The following UBR1 variants were observed in gnomAD, a reference collection of about 807,000 sequenced individuals.
The protein encoded by UBR1 is ubiquitin protein ligase E3 component n-recognin 1.
UBR1 carries 102 observed loss-of-function variants against 242.1 expected under a neutral mutation model. That is an observed-to-expected ratio of 0.42 (90% CI 0.36 to 0.50). UBR1 has a LOEUF of 0.50. Ranked by LOEUF, UBR1 falls within the 20% of genes least tolerant of loss-of-function variation. The pLI, the probability that UBR1 is intolerant of heterozygous loss-of-function variation, is 0.01. For missense variants in UBR1, 1,772 were observed against 2,101.8 expected (o/e 0.84, Z 3.07); for synonymous variants, 675 against 684.8 (o/e 0.99, Z 0.22).
At chr15:43,083,848 G>C (rs2034001481) in intron 2 of UBR1, among the ~76,000 whole-genome samples, 1 of 151,812 alleles carries the variant, frequency 6.6e-6, no homozygotes, top group South Asian at 2.1e-4. Flanking sequence ...TTCCAGACCA[G>C]CCTGACCAAC....
At chr15:43,057,283 T>C (rs982198608) in intron 10 of UBR1, among the ~76,000 whole-genome samples, 5 of 152,230 alleles carry the variant, frequency 3.3e-5, no homozygotes, top group Middle Eastern at 3.2e-3. Flanking sequence ...CTTTTAAGTC[T>C]GCATATAAAA....
At chr15:42,987,668 G>A (rs944348934) in intron 35 of UBR1, among the ~76,000 whole-genome samples, 1 of 132,392 alleles carries the variant, frequency 7.6e-6, no homozygotes, top group Non-Finnish European at 1.5e-5. Context: ...GGCCGAGATT[G>A]TGCCACTGCA....
chr15:43,091,767 A>C (rs1466963228), intron 1 of UBR1, among the ~76,000 whole-genome samples: 2 of 151,898 alleles, frequency 1.3e-5, no homozygotes, highest in East Asian at 3.9e-4. Context: ...CCCCGTCTCT[A>C]CTAAAAATAC....
intron 37 of UBR1, among the ~76,000 whole-genome samples, chr15:42,979,214 T>C (rs1596083472): frequency 6.6e-6 from 1 of 150,582 alleles, no homozygotes; most frequent in East Asian, 1.9e-4. Context: ...TTTTTCTTTT[T>C]TTTTTTTTTA....
intron 1 of UBR1, among the ~76,000 whole-genome samples, chr15:43,103,880 AT>A (rs2034266711): frequency 6.6e-6 from 1 of 152,256 alleles, no homozygotes; most frequent in African/African-American, 2.4e-5. Context: ...AGCCAGTGTC[AT>A]ACCATGGCTA....
chr15:43,017,099 T>C lies in UBR1; in HGVS notation c.3023A>G (p.Asp1008Gly). 1 of 1,611,606 alleles carries C rather than the reference T, an allele frequency of 6.2e-7. No homozygotes were observed. Residue 1008 changes from aspartate (D) to glycine (G), a missense_variant, in exon 28 of 47, where the codon GAT (aspartate) becomes GGT (glycine). By Grantham distance (94) the Asp-to-Gly change is moderately conservative (BLOSUM62 -1). Transcript: ENST00000290650. Reference sequence around the variant, plus strand: ...AGTGTTATTACAGTGTCATACCTCATCATTCTTAATAGATTCCGATCCTGA... The same window carrying C: ...AGTGTTATTACAGTGTCATACCTCACCATTCTTAATAGATTCCGATCCTGA... The part of the protein sequence containing the change: ...TTSGSESIKN[D>G]EITHDKEKAE...
intron 46 of UBR1, among the ~76,000 whole-genome samples, chr15:42,946,645 G>GAACAAAATTTCAGTGAA (rs1287474839): frequency 2.6e-5 from 4 of 152,126 alleles, no homozygotes; most frequent in Non-Finnish European, 4.4e-5. Flanking sequence ...TATTTCAAAG[G>GAACAAAATTTCAGTGAA]AACAAAATTT....
intron 21 of UBR1, among the ~76,000 whole-genome samples, chr15:43,028,174 C>A (rs953482089): frequency 1.3e-5 from 2 of 152,176 alleles, no homozygotes; most frequent in Non-Finnish European, 2.9e-5. Flanking sequence ...TCACCCTCAT[C>A]ATTTATGTAC....
chr15:43,090,723 G>C (rs1018627251), intron 1 of UBR1, among the ~76,000 whole-genome samples: 6 of 151,738 alleles, frequency 4.0e-5, no homozygotes, highest in African/African-American at 1.5e-4. Flanking sequence ...AATTTGTCTT[G>C]TTTAGAAGAA....
In UBR1 at chr15:43,021,084, A is replaced by T. The variant is rs2033104671; in HGVS notation, c.2940+191T>A. On this transcript the variant is annotated intron_variant, in intron 27 of 46. Transcript: ENST00000290650. ...AGTTGACTAAATAACGACAAAAAAAATGAATAAATCTTAGTTTATTTTTAA... is the reference window on the plus strand; with the variant it reads ...AGTTGACTAAATAACGACAAAAAAATTGAATAAATCTTAGTTTATTTTTAA... 3 of 515,286 alleles carry T rather than the reference A, an allele frequency of 5.8e-6. No individual in the cohort carries two copies. In the South Asian group the frequency reaches 6.7e-5, roughly 11 times the overall value. The allele number at this position is 515,286 out of a possible 1,614,324, so 31.9% of individuals were successfully genotyped here. A position where few individuals can be genotyped will look rare whatever the true frequency, so the allele number is the denominator to read the frequency against.
rs755598023 is a variant in UBR1, at chr15:42,945,434, A to G, written c.5145T>C (p.Tyr1715=). 8.1e-6 allele frequency: 13 copies of G among 1,614,066 alleles called. No individual in the cohort carries two copies. Among genetic ancestry groups the G allele is most frequent in the South Asian group, 2.2e-5 (2 of 91,086 alleles). Residue 1715 remains tyrosine (Y), a synonymous_variant, in exon 47 of 47, where the codon TAT becomes TAC. Coordinates refer to ENST00000290650, the MANE Select transcript of UBR1 (RefSeq NM_174916.3). ...GTTGCCAGACCAAATGGAGCTTCCG[A>G]TACCGCTCACGAGATAAATGAAGGG... ...GNPLHLSRER[Y]RKLHLVWQQH... is the part of the protein sequence containing the mutation.
chr15:43,090,337 A>G (rs1040800950), intron 1 of UBR1, among the ~76,000 whole-genome samples: 7 of 152,152 alleles, frequency 4.6e-5, no homozygotes, highest in African/African-American at 1.7e-4. Flanking sequence ...TGATTTTAGC[A>G]TATTTTCATG....
At chr15:43,093,541 G>A (rs1290973309) in intron 1 of UBR1, among the ~76,000 whole-genome samples, 1 of 152,086 alleles carries the variant, frequency 6.6e-6, no homozygotes, top group Admixed American at 6.6e-5. Flanking sequence ...AGCCCTTTGG[G>A]AGGCCAAGGC....
chr15:43,070,950 A>G, intron 4 of UBR1, 25 bp from the exon 5 acceptor site: 1 of 1,610,884 alleles, frequency 6.2e-7, no homozygotes, highest in Non-Finnish European at 8.5e-7. Flanking sequence ...AGAAAAACAT[A>G]CTAGTCAAGA....
chr15:42,971,952 C>T (rs1012828690), intron 39 of UBR1, among the ~76,000 whole-genome samples: 1 of 152,082 alleles, frequency 6.6e-6, no homozygotes, highest in African/African-American at 2.4e-5. Context: ...ACACAACATC[C>T]CCCACCTATC....
intron 1 of UBR1, chr15:43,092,189 C>T (rs2034113216): frequency 3.3e-6 from 1 of 299,076 alleles, no homozygotes; most frequent in African/African-American, 2.3e-5. Context: ...TCTGTCCCTC[C>T]ACCCCCACAC....
chr15:43,066,927 A>G (rs1454063972), intron 6 of UBR1, among the ~76,000 whole-genome samples: 1 of 152,154 alleles, frequency 6.6e-6, no homozygotes, highest in East Asian at 1.9e-4. Flanking sequence ...CCTGGCCCCT[A>G]GAATCTGCAT....
intron 1 of UBR1, among the ~76,000 whole-genome samples, chr15:43,098,432 T>C (rs905268134): frequency 1.3e-5 from 2 of 152,034 alleles, no homozygotes; most frequent in Non-Finnish European, 2.9e-5. Context: ...AGGGTTGCCA[T>C]AGACTTTCAA....
At chr15:42,995,687 A>AC (rs1187642763) in intron 33 of UBR1, among the ~76,000 whole-genome samples, 7 of 152,230 alleles carry the variant, frequency 4.6e-5, no homozygotes, top group African/African-American at 1.2e-4. Flanking sequence ...AAACAAACAA[A>AC]AAAAAACAAG....
Sources: allele counts gnomAD v4.1 joint callset (sites outside exome capture counted in the v4.1 genomes callset), GRCh38; gene constraint gnomAD v4.1.1; transcripts MANE v1.5; gene names NCBI Gene and HGNC (gene_info 2026-07-23, HGNC 2026-07-21).